The following HIPK4 variants were observed in gnomAD, a reference collection of about 807,000 sequenced individuals.
HIPK4 encodes the protein homeodomain-interacting protein kinase 4.
In HIPK4, 26 loss-of-function variants were observed where a neutral mutation model predicts 44.8. That is an observed-to-expected ratio of 0.58 (90% CI 0.43 to 0.80). The LOEUF is 0.80. HIPK4 is among the 30% of genes least tolerant of loss of function. The pLI, the probability that HIPK4 is intolerant of heterozygous loss-of-function variation, is 0.00. For missense variants in HIPK4, 729 were observed against 862.6 expected (o/e 0.85, Z 1.94); for synonymous variants, 340 against 355.5 (o/e 0.96, Z 0.49).
intron 2 of HIPK4, among the ~76,000 whole-genome samples, chr19:40,381,771 T>G (rs1212950499): frequency 7.0e-6 from 1 of 143,118 alleles, no homozygotes; most frequent in Non-Finnish European, 1.5e-5. Context: ...TCACCTGAGG[T>G]CTCACTCAGA....
rs1414361500 is a variant in HIPK4, at chr19:40,389,513, C to T, written c.390G>A (p.Leu130=). The T allele has an allele frequency of 6.2e-7, 1 of 1,613,464 alleles. No individual in the cohort carries two copies. Among genetic ancestry groups the T allele is most frequent in the African/African-American group, 1.3e-5 (1 of 74,850 alleles). ...VLTALARLKE[L]AIIHADLKPE... ...GCTTGAGATCAGCGTGGATGATAGC[C>T]AGCTCCTTGAGCCGGGCCAGGGCTG... The change falls in exon 1 of 4, where the codon CTG becomes CTA. Residue 130 remains leucine, a synonymous_variant. Transcript: ENST00000291823. This position sits in a 1 kb window ranked among gnomAD's most constrained non-coding sequence, Gnocchi z 4.6.
intron 2 of HIPK4, among the ~76,000 whole-genome samples, chr19:40,383,004 AC>A (rs1325687904): frequency 6.7e-6 from 1 of 149,062 alleles, no homozygotes; most frequent in African/African-American, 2.5e-5. Context: ...CTGAGACCGC[AC>A]CACTGCACTC....
intron 1 of HIPK4, among the ~76,000 whole-genome samples, chr19:40,385,446 C>T (rs1202385958): frequency 6.6e-6 from 1 of 152,216 alleles, no homozygotes; most frequent in Non-Finnish European, 1.5e-5. Flanking sequence ...GGCTTTTGCA[C>T]TCGCTGTTCC....
Position 40,389,815 on chromosome 19 carries a change from G to A in HIPK4, c.88C>T (p.Arg30Trp), listed in dbSNP as rs763886506. ...GTFGEVAKGWRRSTGEMVAIK... is the reference protein window; with the variant it reads ...GTFGEVAKGWWRSTGEMVAIK... ...GCCACCATCTCGCCCGTGCTCCGCC[G>A]CCAGCCCTTGGCTACCTCCCCGAAG... Residue 30 changes from arginine to tryptophan, a missense_variant, in exon 1 of 4, where the codon CGG (arginine) becomes TGG (tryptophan). By Grantham distance (101) the Arg-to-Trp change is moderately radical. This residue lies in a region of HIPK4 where 196 missense variants were observed against 295.1 expected (regional missense o/e 0.66). Coordinates refer to ENST00000291823, the MANE Select transcript of HIPK4 (RefSeq NM_144685.5). This position sits in a 1 kb window ranked among gnomAD's most constrained non-coding sequence, Gnocchi z 4.6. 7 of 1,613,934 alleles carry A rather than the reference G, an allele frequency of 4.3e-6. No individual in the cohort carries two copies. Among genetic ancestry groups the A allele is most frequent in the South Asian group, 2.2e-5 (2 of 91,080 alleles).
chr19:40,383,726 A>G, intron 2 of HIPK4, 57 bp downstream of exon 2: 1 of 1,391,758 alleles, frequency 7.2e-7, no homozygotes. Context: ...CCACCCTAGA[A>G]TTTTTTTTCA....
intron 2 of HIPK4, among the ~76,000 whole-genome samples, chr19:40,383,541 C>G (rs541357005): frequency 2.6e-5 from 4 of 152,266 alleles, no homozygotes; most frequent in African/African-American, 9.6e-5. Context: ...CCTCAGCCTC[C>G]CATGTATCTG....
chr19:40,385,138 C>T (rs1345471072), intron 1 of HIPK4, among the ~76,000 whole-genome samples: 2 of 152,176 alleles, frequency 1.3e-5, no homozygotes, highest in Admixed American at 6.5e-5. Flanking sequence ...GCATCCTTTC[C>T]AACCTAGACC....
intron 2 of HIPK4, among the ~76,000 whole-genome samples, 187 bp downstream of exon 2, chr19:40,383,596 A>G (rs763824787): frequency 4.7e-5 from 7 of 150,036 alleles, no homozygotes; most frequent in Non-Finnish European, 1.0e-4. Flanking sequence ...TTTTTTTTCC[A>G]TGTTTTATAA....
In HIPK4 at chr19:40,379,645, TGGTGGGAGCGGCGG is replaced by T. The variant is rs1375609961; in HGVS notation, c.1779_1792del (p.Arg594AlafsTer50). 4 of 1,556,742 alleles carry T rather than the reference TGGTGGGAGCGGCGG, an allele frequency of 2.6e-6. No homozygotes were observed. The highest frequency in any genetic ancestry group is 2.6e-6 in the Non-Finnish European group (3 of 1,152,916). ...GGTGGCCCCCCGGGGTGGACCATGC[TGGTGGGAGCGGCGG>T]GGTGGGAGCCCCTGAGCCCGTGGGC... On this transcript the variant is annotated frameshift_variant, in exon 4 of 4. Transcript: ENST00000291823. LOFTEE classifies it high-confidence loss of function.
chr19:40,386,245 G>C (rs1228341439), intron 1 of HIPK4, among the ~76,000 whole-genome samples: 1 of 148,046 alleles, frequency 6.8e-6, no homozygotes, highest in Admixed American at 6.7e-5. Flanking sequence ...GTAGAGACAG[G>C]CGGGGTTTCA....
rs142414559 is a variant in HIPK4, at chr19:40,385,683, C to CTTTTTTTTTTT, written c.466-1555_466-1545dup. ...CCTGTTTTTCTTTTTCTTTTCTTTT[C>CTTTTTTTTTTT]TTTTTTTTTTTTTTTTTTTTTTTTT... On this transcript the variant is annotated intron_variant, in intron 1 of 3. Transcript: ENST00000291823. 3.5e-3 allele frequency among the ~76,000 whole-genome samples: 236 copies of CTTTTTTTTTTT among 67,026 alleles called. 1 individual carries two copies. Among genetic ancestry groups the CTTTTTTTTTTT allele is most frequent in the Non-Finnish European group, 5.1e-3 (181 of 35,516 alleles). The allele number at this position is 67,026 out of a possible 152,430, so 44.0% of individuals were successfully genotyped here.
rs760883836 is a variant in HIPK4 at position 40,389,886 on chromosome 19, G to A, written c.17C>T (p.Ser6Leu). Residue 6 changes from serine to leucine, a missense_variant, in exon 1 of 4, where the codon TCG becomes TTG. Physicochemically the swap from Ser to Leu is moderately radical, Grantham distance 145 (BLOSUM62 -2). Around this residue, in one of 2 missense-constraint regions of HIPK4, gnomAD observed 196 missense variants for 295.1 expected, o/e 0.66. Transcript: ENST00000291823. The surrounding 1 kb of genome is among the most constrained non-coding windows in gnomAD (Gnocchi z 4.6). ...GATGATGTCGTAGCAGTCAGTCTCC[G>A]ACTGGATGGTGGACATGGTGCCGCT... MSTIQ[S>L]ETDCYDIIEV... The A allele has an allele frequency of 6.0e-5, 97 of 1,607,924 alleles. 1 individual carries two copies. In the Middle Eastern group the frequency reaches 1.2e-3, roughly 19 times the overall value.
intron 1 of HIPK4, among the ~76,000 whole-genome samples, chr19:40,388,404 C>G (rs1370724209): frequency 6.6e-6 from 1 of 152,152 alleles, no homozygotes. Context: ...GCTTCAGTAC[C>G]CAAGAGGCTG....
At chr19:40,386,277 C>T (rs2079362931) in intron 1 of HIPK4, among the ~76,000 whole-genome samples, 1 of 151,854 alleles carries the variant, frequency 6.6e-6, no homozygotes, top group Non-Finnish European at 1.5e-5. Flanking sequence ...AGGCTGGTCT[C>T]AAACTCCTGA....
Position 40,380,622 on chromosome 19 carries a change from G to C in HIPK4, c.1369C>G (p.Leu457Val), listed in dbSNP as rs1488490289. 4 of 1,613,528 alleles carry C rather than the reference G, an allele frequency of 2.5e-6. No homozygotes were observed. The highest frequency in any genetic ancestry group is 3.4e-6 in the Non-Finnish European group (4 of 1,179,948). ...TGGTGGCCAGTGATGGCTGCCTTGAGGGGGACCATCATGTCGGAGACCGCA... is the reference window on the plus strand; with the variant it reads ...TGGTGGCCAGTGATGGCTGCCTTGACGGGGACCATCATGTCGGAGACCGCA... ...TNAVSDMMVP[L>V]KAAITGHHVP... Residue 457 changes from leucine (L) to valine (V), a missense_variant, in exon 3 of 4, where the codon CTC becomes GTC. Leu to Val is a conservative substitution (Grantham distance 32, BLOSUM62 1). Around this residue, in one of 2 missense-constraint regions of HIPK4, gnomAD observed 533 missense variants for 567.5 expected, o/e 0.94. Transcript: ENST00000291823. This position sits in a 1 kb window ranked among gnomAD's most constrained non-coding sequence, Gnocchi z 4.2.
intron 2 of HIPK4, among the ~76,000 whole-genome samples, chr19:40,382,015 A>G (rs1029257184): frequency 6.6e-6 from 1 of 151,934 alleles, no homozygotes; most frequent in African/African-American, 2.4e-5. Flanking sequence ...CATGTTGGCC[A>G]GGCTGTTCTC....
At chr19:40,385,756 G>A (rs988075316) in intron 1 of HIPK4, among the ~76,000 whole-genome samples, 2 of 135,670 alleles carry the variant, frequency 1.5e-5, no homozygotes, top group African/African-American at 5.6e-5. Context: ...CACCCAGGCT[G>A]GAGTGCAATG....
In HIPK4 at chr19:40,389,857, C is replaced by A; in HGVS notation, c.46G>T (p.Val16Phe). ...SETDCYDIIE[V>F]LGKGTFGEVA... ...TCCCCGAAGGTCCCCTTGCCCAAGA[C>A]CTCGATGATGTCGTAGCAGTCAGTC... Residue 16 changes from valine (V) to phenylalanine (F), a missense_variant, in exon 1 of 4, where the codon GTC (valine) becomes TTC (phenylalanine). Val to Phe is a conservative substitution (Grantham distance 50). Around this residue, in one of 2 missense-constraint regions of HIPK4, gnomAD observed 196 missense variants for 295.1 expected, o/e 0.66. Transcript: ENST00000291823. This position sits in a 1 kb window ranked among gnomAD's most constrained non-coding sequence, Gnocchi z 4.6. The A allele has an allele frequency of 4.3e-6, 7 of 1,612,938 alleles. No homozygotes were observed. The highest frequency in any genetic ancestry group is 5.9e-6 in the Non-Finnish European group (7 of 1,180,016).
Position 40,380,937 on chromosome 19 carries a change from G to A in HIPK4, c.1054C>T (p.Leu352=). The stretch of plus-strand genomic sequence containing the variant: ...TGGGTGGTCTCGTGGGCACTGCGCA[G>A]CTGCTGCATGGACACGAAGGGGTGG... ...LRHPFVSMQQ[L]RSAHETTHYY... The change falls in exon 3 of 4, where the codon CTG becomes TTG. Residue 352 remains leucine, a synonymous_variant. Coordinates refer to ENST00000291823, the MANE Select transcript of HIPK4 (RefSeq NM_144685.5). This position sits in a 1 kb window ranked among gnomAD's most constrained non-coding sequence, Gnocchi z 4.2. The A allele has an allele frequency of 6.2e-7, 1 of 1,610,190 alleles. No individual in the cohort carries two copies. Among genetic ancestry groups the A allele is most frequent in the Non-Finnish European group, 8.5e-7 (1 of 1,177,742 alleles).
Sources: allele counts gnomAD v4.1 joint callset (sites outside exome capture counted in the v4.1 genomes callset), GRCh38; gene constraint gnomAD v4.1.1; regional missense constraint gnomAD v4.1.1; non-coding constraint Gnocchi (gnomAD v3.1); transcripts MANE v1.5; gene names NCBI Gene and HGNC (gene_info 2026-07-23, HGNC 2026-07-21).